XYLT1: variants seen among roughly 807,000 people sequenced by gnomAD.
XYLT1 encodes the protein xylosyltransferase 1, also known as beta-D-xylosyltransferase 1.
Under a neutral mutation model 91.3 loss-of-function variants are expected in XYLT1, and 36 were observed. That is an observed-to-expected ratio of 0.39 (90% CI 0.30 to 0.52). The LOEUF (loss-of-function observed/expected upper bound fraction) is 0.52, where lower values mean the gene tolerates loss of function less well. XYLT1 is among the 20% of genes least tolerant of loss of function. The pLI is 0.68. For missense variants in XYLT1, 1,242 were observed against 1,284.5 expected, an observed-to-expected ratio of 0.97 and a Z score of 0.51; for synonymous variants, 588 against 532.0, an observed-to-expected ratio of 1.11 and a Z score of -1.45.
intron 3 of XYLT1, among the ~76,000 whole-genome samples, chr16:17,229,446 A>G (rs2033125586): frequency 6.6e-6 from 1 of 152,188 alleles, no homozygotes; most frequent in South Asian, 2.1e-4. Flanking sequence ...ACCACGAGGA[A>G]ACTAGAGAGT....
intron 3 of XYLT1, among the ~76,000 whole-genome samples, chr16:17,256,357 G>T (rs569144438): frequency 1.3e-5 from 2 of 151,892 alleles, no homozygotes; most frequent in Admixed American, 1.3e-4. Context: ...CCAGGGAATC[G>T]AATGAAGAGT....
rs547245076 is a variant in XYLT1, at chr16:17,284,950, C to T, written c.403-25452G>A. On this transcript the variant is annotated intron_variant, in intron 2 of 11. Transcript: ENST00000261381. ...ACACAGAGAGGAGAGAAGTCCGTAT[C>T]TCATTCTAAGTGCACTGGGGAGCCA... Among the ~76,000 whole-genome samples, 27 of 152,216 alleles carry T rather than the reference C, an allele frequency of 1.8e-4. No homozygotes were observed. The South Asian group carries it at 5.4e-3, about 30-fold the overall frequency.
chr16:17,110,392 T>C (rs1966837421), intron 11 of XYLT1, among the ~76,000 whole-genome samples: 1 of 152,134 alleles, frequency 6.6e-6, no homozygotes, highest in Non-Finnish European at 1.5e-5. Flanking sequence ...GTTTTTGCCA[T>C]GTTGTTCTTG....
intron 3 of XYLT1, among the ~76,000 whole-genome samples, chr16:17,213,747 T>C (rs1713291124): frequency 6.6e-6 from 1 of 151,972 alleles, no homozygotes; most frequent in African/African-American, 2.4e-5. Flanking sequence ...GCCTCCCGAG[T>C]ACCTGGGATT....
intron 1 of XYLT1, among the ~76,000 whole-genome samples, chr16:17,397,822 T>C (rs1267020976): frequency 1.4e-5 from 2 of 144,630 alleles, no homozygotes; most frequent in Middle Eastern, 3.6e-3. Flanking sequence ...ATAGTTTGAA[T>C]AGCTCTTTTT....
chr16:17,111,778 A>T (rs1054066468), intron 11 of XYLT1, among the ~76,000 whole-genome samples: 2 of 152,178 alleles, frequency 1.3e-5, no homozygotes, highest in Admixed American at 6.5e-5. Context: ...GGGAGGAAGG[A>T]GGTGAGCAGT....
intron 6 of XYLT1, among the ~76,000 whole-genome samples, chr16:17,143,702 A>G (rs1204718622): frequency 1.3e-5 from 2 of 152,038 alleles, no homozygotes; most frequent in Non-Finnish European, 2.9e-5. Context: ...ACAGTCTTAC[A>G]ACACTGTAAT....
At chr16:17,366,562 G>T (rs1050254601) in intron 1 of XYLT1, among the ~76,000 whole-genome samples, 3 of 152,154 alleles carry the variant, frequency 2.0e-5, no homozygotes, top group Non-Finnish European at 4.4e-5. Flanking sequence ...GGGCGTGTTG[G>T]TGCATACCTG....
In XYLT1 at chr16:17,432,579, A is replaced by C. The variant is rs117939553; in HGVS notation, c.363+37855T>G. ...ATCAGGGTTATGAAAATGTCCTAAAACTAGATTATGGTGTTGGTTGCACAG... is the reference window on the plus strand; with the variant it reads ...ATCAGGGTTATGAAAATGTCCTAAACCTAGATTATGGTGTTGGTTGCACAG... On this transcript the variant is annotated intron_variant, in intron 1 of 11. Transcript: ENST00000261381. 3.4e-4 allele frequency among the ~76,000 whole-genome samples: 52 copies of C among 152,258 alleles called. No individual in the cohort carries two copies. In the East Asian group the frequency reaches 9.3e-3, roughly 27 times the overall value.
chr16:17,103,607 T>G lies in XYLT1; in HGVS notation c.*5088A>C, dbSNP rs1341037285. The G allele has an allele frequency of 2.0e-5, 3 of 152,220 alleles. No individual in the cohort carries two copies. Among genetic ancestry groups the G allele is most frequent in the African/African-American group, 7.2e-5 (3 of 41,446 alleles). 9.4% of individuals were successfully genotyped at this position (152,220 alleles called of 1,614,324 possible). ...AAGGAGAAACCTAAGGCTTTTGTTTTGTTTTGTTTTGTTTTTGAAGGAGGG... is the reference window on the plus strand; with the variant it reads ...AAGGAGAAACCTAAGGCTTTTGTTTGGTTTTGTTTTGTTTTTGAAGGAGGG... On this transcript the variant is annotated 3_prime_UTR_variant, in exon 12 of 12. Transcript: ENST00000261381.
At chr16:17,231,310 TTCTAGAGTG>T in intron 3 of XYLT1, among the ~76,000 whole-genome samples, 1 of 152,204 alleles carries the variant, frequency 6.6e-6, no homozygotes. Flanking sequence ...ATTTACCATG[TTCTAGAGTG>T]TCCTAAGCAC....
chr16:17,134,906 A>G (rs1446036304), intron 8 of XYLT1, among the ~76,000 whole-genome samples, 171 bp from the exon 9 acceptor site: 1 of 152,026 alleles, frequency 6.6e-6, no homozygotes, highest in Non-Finnish European at 1.5e-5. Flanking sequence ...AATGGGTTAT[A>G]ATAAGGGTGT....
At chr16:17,282,623 T>G (rs180940826) in intron 2 of XYLT1, among the ~76,000 whole-genome samples, 172 of 152,298 alleles carry the variant, frequency 1.1e-3, no homozygotes, top group African/African-American at 3.9e-3. Flanking sequence ...AACCCCCAGC[T>G]TGGTTTTCTT....
intron 1 of XYLT1, among the ~76,000 whole-genome samples, chr16:17,382,672 C>T (rs2035696203): frequency 6.6e-6 from 1 of 151,788 alleles, no homozygotes; most frequent in African/African-American, 2.4e-5. Flanking sequence ...CTCTGAATGC[C>T]CCCTTATCTA....
chr16:17,342,259 G>A (rs12598775), intron 2 of XYLT1, among the ~76,000 whole-genome samples: 97,088 of 151,994 alleles, frequency 0.64, 31,949 homozygotes, highest in African/African-American at 0.76. Context: ...TCCTCTTTCT[G>A]CAGAGCTCCA....
At chr16:17,441,553 C>T (rs1567204252) in intron 1 of XYLT1, among the ~76,000 whole-genome samples, 1 of 149,978 alleles carries the variant, frequency 6.7e-6, no homozygotes, top group Non-Finnish European at 1.5e-5. Context: ...CTGCACCTGT[C>T]CTAGAGTACC....
intron 1 of XYLT1, among the ~76,000 whole-genome samples, chr16:17,428,168 G>C (rs1475639817): frequency 6.6e-6 from 1 of 152,120 alleles, no homozygotes; most frequent in Non-Finnish European, 1.5e-5. Flanking sequence ...ATTTTTACTA[G>C]AGCCAGAGGT....
At chr16:17,300,226 T>C (rs9928093) in intron 2 of XYLT1, among the ~76,000 whole-genome samples, 3,685 of 152,240 alleles carry the variant, frequency 0.024, 157 homozygotes, top group African/African-American at 0.084. Context: ...GACAAAATGC[T>C]ATCTTTTAAG....
At chr16:17,171,540 A>G (rs2031819711) in intron 5 of XYLT1, among the ~76,000 whole-genome samples, 1 of 152,252 alleles carries the variant, frequency 6.6e-6, no homozygotes, top group Admixed American at 6.5e-5. Context: ...TTCCAAGGTT[A>G]CTTGTTTATC....
Sources: gnomAD v4.1 joint callset for allele counts (sites outside exome capture counted in the v4.1 genomes callset) on GRCh38, gnomAD v4.1.1 for gene constraint, MANE v1.5 for transcripts, NCBI Gene and HGNC (gene_info 2026-07-23, HGNC 2026-07-21) for gene names.